C12orf42: variants seen among roughly 807,000 people sequenced by gnomAD.
The protein encoded by C12orf42 is chromosome 12 open reading frame 42.
A neutral mutation model predicts 21.6 loss-of-function variants in C12orf42; 25 were observed. That is an observed-to-expected ratio of 1.16 (90% CI 0.84 to 1.62). The LOEUF (loss-of-function observed/expected upper bound fraction) is 1.62. Ranked by LOEUF, C12orf42 falls within the 40% of genes most tolerant of loss-of-function variation. C12orf42 has a pLI of 0.00. For synonymous variants in C12orf42, 174 were observed against 175.0 expected (o/e 0.99, Z 0.05); for missense variants, 483 against 459.3 (o/e 1.05, Z -0.47).
chr12:103,330,096 T>C (rs181914719), intron 4 of C12orf42, among the ~76,000 whole-genome samples: 82 of 152,316 alleles, frequency 5.4e-4, no homozygotes, highest in African/African-American at 1.7e-3. Flanking sequence ...ACATGAAGTA[T>C]AATTAGCAAA....
the C12orf42 span, among the ~76,000 whole-genome samples, chr12:103,103,804 C>CTTT: frequency 7.0e-6 from 1 of 143,034 alleles, no homozygotes; most frequent in Non-Finnish European, 1.5e-5. Flanking sequence ...TAATAGCTCA[C>CTTT]TTTTTTTTTT....
chr12:103,146,153 C>T, the C12orf42 span, among the ~76,000 whole-genome samples: 1 of 151,764 alleles, frequency 6.6e-6, no homozygotes, highest in African/African-American at 2.4e-5. Flanking sequence ...GTAATTAAAA[C>T]ATAATAAAAG....
the C12orf42 span, among the ~76,000 whole-genome samples, chr12:103,545,306 G>C: frequency 6.6e-6 from 1 of 152,116 alleles, no homozygotes. Context: ...AGCAGATGTT[G>C]GGTATACATG....
At chr12:103,083,659 T>C in the C12orf42 span, among the ~76,000 whole-genome samples, 21 of 152,348 alleles carry the variant, frequency 1.4e-4, no homozygotes, top group East Asian at 3.9e-3. Flanking sequence ...TAGTTTCATA[T>C]AAAAAACTGA....
chr12:103,368,494 T>C (rs897010388), intron 4 of C12orf42, among the ~76,000 whole-genome samples: 46 of 151,988 alleles, frequency 3.0e-4, no homozygotes, highest in Non-Finnish European at 1.5e-5. Flanking sequence ...ATCAGAGCCA[T>C]TGGATAAGCA....
the C12orf42 span, among the ~76,000 whole-genome samples, chr12:103,196,720 T>C: frequency 6.6e-6 from 1 of 152,282 alleles, no homozygotes; most frequent in East Asian, 1.9e-4. Context: ...GTCTGTTTTT[T>C]TTTCTGAAAC....
At chr12:103,455,391 C>T (rs1952218212) in intron 2 of C12orf42, among the ~76,000 whole-genome samples, 2 of 152,106 alleles carry the variant, frequency 1.3e-5, no homozygotes, top group South Asian at 4.1e-4. Context: ...GCAGAAATGT[C>T]TATCTTTATA....
the C12orf42 span, among the ~76,000 whole-genome samples, chr12:103,100,302 G>A: frequency 6.6e-6 from 1 of 152,358 alleles, no homozygotes. Flanking sequence ...CCTTTGTGGG[G>A]CTGGACAATG....
intron 3 of C12orf42, among the ~76,000 whole-genome samples, chr12:103,384,777 A>T (rs2046467394): frequency 6.6e-6 from 1 of 152,230 alleles, no homozygotes; most frequent in Non-Finnish European, 1.5e-5. Flanking sequence ...ATGTCTATTG[A>T]CTGGATATAG....
the C12orf42 span, among the ~76,000 whole-genome samples, chr12:103,523,758 CAT>C: frequency 5.4e-5 from 8 of 148,512 alleles, no homozygotes; most frequent in Non-Finnish European, 7.5e-5. Context: ...GGATCACTTT[CAT>C]ATATATATAT....
At chr12:103,446,410 T>C (rs1436373548) in intron 2 of C12orf42, among the ~76,000 whole-genome samples, 2 of 152,000 alleles carry the variant, frequency 1.3e-5, no homozygotes, top group African/African-American at 4.8e-5. Flanking sequence ...AGAACCTCCT[T>C]AAAGCATAAA....
the C12orf42 span, among the ~76,000 whole-genome samples, chr12:103,136,522 AT>A: frequency 6.6e-6 from 1 of 152,328 alleles, no homozygotes; most frequent in Admixed American, 6.5e-5. Flanking sequence ...TTTCACAGAA[AT>A]AGAAAAACAG....
intron 2 of C12orf42, among the ~76,000 whole-genome samples, chr12:103,408,083 G>T (rs181506715): frequency 3.5e-4 from 54 of 152,264 alleles, no homozygotes; most frequent in African/African-American, 1.3e-3. Flanking sequence ...CAAAATTTTA[G>T]CCTCTTCCTA....
the C12orf42 span, among the ~76,000 whole-genome samples, chr12:103,556,459 G>A: frequency 6.6e-6 from 1 of 152,164 alleles, no homozygotes; most frequent in African/African-American, 2.4e-5. Context: ...CAGGAAGTTG[G>A]CTTTGAGTGT....
intron 5 of C12orf42, among the ~76,000 whole-genome samples, chr12:103,272,467 T>G (rs1217401027): frequency 6.6e-6 from 1 of 152,216 alleles, no homozygotes; most frequent in African/African-American, 2.4e-5. Context: ...TACTGATTGG[T>G]ATCTGCCTCC....
At chr12:103,151,836 G>C in the C12orf42 span, 2 of 152,122 alleles carry the variant, frequency 1.3e-5, no homozygotes, top group African/African-American at 2.4e-5. Flanking sequence ...CTCTTATTGA[G>C]TGTGGGCAAA....
At chr12:103,050,374 T>C in the C12orf42 span, among the ~76,000 whole-genome samples, 2 of 152,170 alleles carry the variant, frequency 1.3e-5, no homozygotes, top group Non-Finnish European at 2.9e-5. Flanking sequence ...ATATGAATTT[T>C]GAGCAGAGAT....
chr12:103,088,480 TA>T, the C12orf42 span, among the ~76,000 whole-genome samples: 2 of 152,244 alleles, frequency 1.3e-5, no homozygotes, highest in Admixed American at 1.3e-4. Flanking sequence ...CAGTTGGTTT[TA>T]CTATGTTAAT....
At chr12:103,534,444 A>T in the C12orf42 span, among the ~76,000 whole-genome samples, 1 of 152,158 alleles carries the variant, frequency 6.6e-6, no homozygotes, top group Admixed American at 6.5e-5. Context: ...CTTTCTGGGT[A>T]TGAGTCTAGC....
Sources: gnomAD v4.1 joint callset for allele counts (sites outside exome capture counted in the v4.1 genomes callset) on GRCh38, gnomAD v4.1.1 for gene constraint, MANE v1.5 for transcripts, NCBI Gene and HGNC (gene_info 2026-07-23, HGNC 2026-07-21) for gene names.